Variants in IFT80 observed in about 807,000 individuals in gnomAD.
IFT80 encodes the protein intraflagellar transport 80, also known as intraflagellar transport protein 80 homolog.
In IFT80, 79 loss-of-function variants were observed where a neutral mutation model predicts 107.9. That is an observed-to-expected ratio of 0.73 (90% CI 0.61 to 0.88). The LOEUF (loss-of-function observed/expected upper bound fraction) is 0.88, where lower values mean the gene tolerates loss of function less well. IFT80 is among the 40% of genes least tolerant of loss of function. The pLI, the probability that IFT80 is intolerant of heterozygous loss-of-function variation, is 0.00. For synonymous variants in IFT80, 299 were observed against 300.9 expected (o/e 0.99, Z 0.07); for missense variants, 797 against 914.2 (o/e 0.87, Z 1.65).
chr3:160,315,038 G>A (rs1375491742), intron 9 of IFT80, among the ~76,000 whole-genome samples: 3 of 117,438 alleles, frequency 2.6e-5, no homozygotes, highest in Admixed American at 2.2e-4. Context: ...GTGGGCAGGA[G>A]GGGAAAAAAG....
chr3:160,335,153 T>C (rs1246710820), intron 8 of IFT80, among the ~76,000 whole-genome samples: 1 of 152,086 alleles, frequency 6.6e-6, no homozygotes, highest in African/African-American at 2.4e-5. Flanking sequence ...TCCTCTTTTT[T>C]TTTTTTGAGA....
chr3:160,300,363 C>T (rs1716328707), intron 12 of IFT80, among the ~76,000 whole-genome samples: 1 of 152,062 alleles, frequency 6.6e-6, no homozygotes, highest in Admixed American at 6.6e-5. Context: ...TAACCCAAAA[C>T]ACCTGACATA....
Position 160,258,550 on chromosome 3 carries a change from C to A in IFT80, c.2309G>T (p.Ser770Ile). 1 of 1,613,590 alleles carries A rather than the reference C, an allele frequency of 6.2e-7. No homozygotes were observed. Among genetic ancestry groups the A allele is most frequent in the Non-Finnish European group, 8.5e-7 (1 of 1,179,944 alleles). Residue 770 changes from serine (S) to isoleucine (I), a missense_variant, in exon 20 of 20, where the codon AGC (serine) becomes ATC (isoleucine). By Grantham distance (142) the Ser-to-Ile change is moderately radical. Transcript: ENST00000326448. Reference sequence around the variant, plus strand: ...TTAGGGCTTTAAACCTATACTCTTGCTGGATTGGCTGCTTGATGATTGCTC... The same window carrying A: ...TTAGGGCTTTAAACCTATACTCTTGATGGATTGGCTGCTTGATGATTGCTC... ...EREQSSSSQSSKSIGLKP is the reference protein window; with the variant it reads ...EREQSSSSQSIKSIGLKP
At chr3:160,258,714 A>G (rs1712555449) in intron 19 of IFT80, 79 bp from the exon 20 acceptor site, 2 of 1,512,750 alleles carry the variant, frequency 1.3e-6, no homozygotes, top group Admixed American at 3.7e-5. Flanking sequence ...ACTAAGAGTA[A>G]ACAGATAGAC....
rs200253415 is a variant in IFT80 at position 160,381,534 on chromosome 3, C to G, written c.228G>C (p.Gln76His). ...PKSLGVKKQT[Q>H]AESFVLTSSD... ...AACTTGTGAGGACAAAGCTTTCTGC[C>G]TGGGTTTGTTTCTTTACACCCAAAC... is the stretch of plus-strand genomic sequence containing the variant. The change falls in exon 3 of 20, where the codon CAG (glutamine) becomes CAC (histidine). Residue 76 changes from glutamine to histidine, a missense_variant. Transcript: ENST00000326448. The G allele has an allele frequency of 2.5e-6, 4 of 1,613,662 alleles. No homozygotes were observed. The highest frequency in any genetic ancestry group is 3.4e-6 in the Non-Finnish European group (4 of 1,179,778).
chr3:160,293,976 G>C (rs1454380048), intron 12 of IFT80, among the ~76,000 whole-genome samples: 1 of 152,192 alleles, frequency 6.6e-6, no homozygotes, highest in Non-Finnish European at 1.5e-5. Context: ...CTGATTCCAT[G>C]AAGGCACAGA....
intron 12 of IFT80, among the ~76,000 whole-genome samples, chr3:160,292,719 G>T (rs897521285): frequency 6.6e-6 from 1 of 152,016 alleles, no homozygotes; most frequent in African/African-American, 2.4e-5. Flanking sequence ...CTTGTGATGC[G>T]CCCGCCTCGG....
Position 160,257,588 on chromosome 3 carries a change from T to C in IFT80, c.*937A>G, listed in dbSNP as rs545408223. 6.6e-6 allele frequency: 1 copy of C among 152,176 alleles called. No individual in the cohort carries two copies. The highest frequency in any genetic ancestry group is 2.4e-5 in the African/African-American group (1 of 41,434). The allele number at this position is 152,176 out of a possible 1,614,324, so 9.4% of individuals were successfully genotyped here. On this transcript the variant is annotated 3_prime_UTR_variant, in exon 20 of 20. Transcript: ENST00000326448. ...TCTTGCCCATTCTAGATATATTTTTTAAATTATGATAAAATATACATAACA... is the reference window on the plus strand; with the variant it reads ...TCTTGCCCATTCTAGATATATTTTTCAAATTATGATAAAATATACATAACA...
Position 160,354,829 on chromosome 3 carries a change from G to A in IFT80, c.777+1184C>T, listed in dbSNP as rs1412631231. 5.9e-5 allele frequency among the ~76,000 whole-genome samples: 9 copies of A among 152,184 alleles called. No homozygotes were observed. The East Asian group carries it at 1.5e-3, about 26-fold the overall frequency. On this transcript the variant is annotated intron_variant, in intron 8 of 19. Coordinates refer to ENST00000326448, the MANE Select transcript of IFT80 (RefSeq NM_020800.3). Reference sequence around the variant, plus strand: ...TTGAACACACTTAGAGAGTTGTGGGGGAAAAGACTCAATGGATTTTATGGC... The same window carrying A: ...TTGAACACACTTAGAGAGTTGTGGGAGAAAAGACTCAATGGATTTTATGGC...
At chr3:160,317,807 G>T (rs1404632903) in intron 9 of IFT80, among the ~76,000 whole-genome samples, 1 of 151,930 alleles carries the variant, frequency 6.6e-6, no homozygotes, top group East Asian at 1.9e-4. Flanking sequence ...CAAAATGCAG[G>T]ACAGAAAACA....
chr3:160,276,128 G>A (rs570918062), intron 18 of IFT80, among the ~76,000 whole-genome samples: 58 of 152,042 alleles, frequency 3.8e-4, no homozygotes, highest in African/African-American at 1.2e-3. Context: ...TCAGCCTCCC[G>A]AAGTGTTGGG....
chr3:160,283,968 T>C (rs746297330), intron 13 of IFT80, among the ~76,000 whole-genome samples: 1 of 152,218 alleles, frequency 6.6e-6, no homozygotes, highest in Non-Finnish European at 1.5e-5. Context: ...TTAATATTCA[T>C]TTACTAATAC....
intron 8 of IFT80, among the ~76,000 whole-genome samples, chr3:160,351,402 C>G (rs945410965): frequency 6.7e-6 from 1 of 149,390 alleles, no homozygotes; most frequent in African/African-American, 2.4e-5. Flanking sequence ...GAATGTTCCA[C>G]TAAGCCTTCT....
At chr3:160,259,034 C>G (rs1296645755) in intron 19 of IFT80, among the ~76,000 whole-genome samples, 2 of 151,992 alleles carry the variant, frequency 1.3e-5, no homozygotes, top group African/African-American at 4.8e-5. Context: ...ACTAAGCCCT[C>G]AAGGTCAAGG....
intron 11 of IFT80, 21 bp downstream of exon 11, chr3:160,303,894 T>C (rs773167286): frequency 2.0e-6 from 3 of 1,482,820 alleles, no homozygotes; most frequent in Non-Finnish European, 2.8e-6. Context: ...CCAGATCCAG[T>C]AGTTAAACAT....
At chr3:160,352,527 T>C (rs1475484424) in intron 8 of IFT80, among the ~76,000 whole-genome samples, 6 of 152,196 alleles carry the variant, frequency 3.9e-5, no homozygotes, top group African/African-American at 1.4e-4. Context: ...TTCCTTCAAG[T>C]GCCCTCTGAG....
rs567701374 is a variant in IFT80, at chr3:160,357,414, A to G, written c.639+75T>C. 1.3e-5 allele frequency: 11 copies of G among 819,114 alleles called. No homozygotes were observed. In the Admixed American group the frequency reaches 1.6e-4, roughly 12 times the overall value. 50.7% of individuals were successfully genotyped at this position (819,114 alleles called of 1,614,324 possible). Reference sequence around the variant, plus strand: ...AAGACATGGCTAAAGTAAAAAACTAAAAGAATATTCTTATATGCTAAGTAC... The same window carrying G: ...AAGACATGGCTAAAGTAAAAAACTAGAAGAATATTCTTATATGCTAAGTAC... On this transcript the variant is annotated intron_variant, in intron 7 of 19. Transcript: ENST00000326448.
intron 10 of IFT80, among the ~76,000 whole-genome samples, chr3:160,304,694 C>G (rs1185816422): frequency 1.3e-5 from 2 of 152,110 alleles, no homozygotes; most frequent in Non-Finnish European, 2.9e-5. Context: ...CTCTGCCTCC[C>G]AAAGTGCTGG....
chr3:160,282,640 T>G (rs995842766), intron 13 of IFT80, 27 bp from the exon 14 acceptor site: 25 of 1,403,282 alleles, frequency 1.8e-5, no homozygotes, highest in Non-Finnish European at 2.4e-5. Context: ...ATGTAAATAC[T>G]GGGTTAGTTT....
Sources: gnomAD v4.1 joint callset for allele counts (sites outside exome capture counted in the v4.1 genomes callset) on GRCh38, gnomAD v4.1.1 for gene constraint, MANE v1.5 for transcripts, NCBI Gene and HGNC (gene_info 2026-07-23, HGNC 2026-07-21) for gene names.